The following VIT variants were observed in gnomAD, a reference collection of about 807,000 sequenced individuals.
VIT encodes vitrin.
In VIT, 99 loss-of-function variants were observed where a neutral mutation model predicts 78.0. The observed-to-expected ratio is 1.27, with a 90% CI of 1.08 to 1.50. The LOEUF is 1.50. Ranked by LOEUF, VIT falls within the 40% of genes most tolerant of loss-of-function variation. The pLI is 0.00. For missense variants in VIT, 1,126 were observed against 875.3 expected, an observed-to-expected ratio of 1.29 and a Z score of -3.61; for synonymous variants, 374 against 334.3, an observed-to-expected ratio of 1.12 and a Z score of -1.29.
chr2:36,721,486 C>T (rs1036990732), intron 2 of VIT, among the ~76,000 whole-genome samples: 2 of 152,086 alleles, frequency 1.3e-5, no homozygotes, highest in African/African-American at 2.4e-5. Flanking sequence ...CAAATCCTTA[C>T]GCCTTTACCT....
At chr2:36,722,150 A>G (rs1176232523) in intron 2 of VIT, among the ~76,000 whole-genome samples, 4 of 152,360 alleles carry the variant, frequency 2.6e-5, no homozygotes, top group Admixed American at 2.6e-4. Flanking sequence ...TTTAAGAGGT[A>G]GCATGCTTGC....
rs529848669 is a variant in VIT at position 36,775,058 on chromosome 2, G to A, written c.793G>A (p.Val265Ile). The change falls in exon 9 of 16, where the codon GTC becomes ATC. Residue 265 changes from valine (V) to isoleucine (I), a missense_variant. Coordinates refer to ENST00000379242, the MANE Select transcript of VIT (RefSeq NM_053276.4). ...CTTCCAGAAACCTGTTGGAGCGGAT[G>A]TCAGCCTGGGTAAGCTGCCCACTGC... is the stretch of plus-strand genomic sequence containing the variant. ...AAFQKPVGAD[V>I]SLGEMDSWKP... 4 of 1,613,946 alleles carry A rather than the reference G, an allele frequency of 2.5e-6. No individual in the cohort carries two copies. Among genetic ancestry groups the A allele is most frequent in the African/African-American group, 1.3e-5 (1 of 75,046 alleles).
At chr2:36,747,333 T>G (rs1265189139) in intron 4 of VIT, among the ~76,000 whole-genome samples, 1 of 152,152 alleles carries the variant, frequency 6.6e-6, no homozygotes, top group South Asian at 2.1e-4. Flanking sequence ...AAATGTTGAG[T>G]GTAAGTCCAG....
chr2:36,720,847 T>G (rs1411235580), intron 2 of VIT, among the ~76,000 whole-genome samples: 1 of 152,020 alleles, frequency 6.6e-6, no homozygotes, highest in Admixed American at 6.6e-5. Flanking sequence ...CCATCTCTAC[T>G]AAAAATATAA....
chr2:36,732,800 G>C (rs1307775082), intron 3 of VIT, among the ~76,000 whole-genome samples: 3 of 152,192 alleles, frequency 2.0e-5, no homozygotes, highest in African/African-American at 7.2e-5. Context: ...TACTCAGAGA[G>C]TTAGGAAAAG....
chr2:36,784,682 C>G (rs1258996554), intron 11 of VIT, among the ~76,000 whole-genome samples: 21 of 152,214 alleles, frequency 1.4e-4, no homozygotes, highest in Admixed American at 1.4e-3. Flanking sequence ...TAGAGTGATT[C>G]CCATAGATAC....
chr2:36,706,373 C>A (rs897443952), intron 1 of VIT, among the ~76,000 whole-genome samples: 39 of 152,300 alleles, frequency 2.6e-4, no homozygotes, highest in Admixed American at 1.8e-3. Context: ...CAGAAACCAA[C>A]TTAAACTGGC....
In VIT at chr2:36,776,533, G is replaced by A. The variant is rs191762351; in HGVS notation, c.802+1466G>A. 2.1e-3 allele frequency among the ~76,000 whole-genome samples: 319 copies of A among 152,272 alleles called. 1 individual carries two copies. The highest frequency in any genetic ancestry group is 3.3e-3 in the Non-Finnish European group (226 of 67,998). On this transcript the variant is annotated intron_variant, in intron 9 of 15. Transcript: ENST00000379242. ...ATTAATAGTTAGGCCGGGTGCGGTG[G>A]TTCACGCCGGTAATCCCAGCACTTT...
At chr2:36,732,942 C>A (rs150093987) in intron 3 of VIT, among the ~76,000 whole-genome samples, 214 of 152,128 alleles carry the variant, frequency 1.4e-3, no homozygotes, top group African/African-American at 4.9e-3. Context: ...TGCCCAAGGC[C>A]TGAAGGGTAG....
rs904020423 is a variant in VIT at position 36,801,485 on chromosome 2, A to G, written c.1162+81A>G. 3.2e-6 allele frequency: 4 copies of G among 1,236,732 alleles called. No homozygotes were observed. The African/African-American group carries it at 6.1e-5, about 19-fold the overall frequency. The allele number at this position is 1,236,732 out of a possible 1,614,324, so 76.6% of individuals were successfully genotyped here. ...TGATTGTCTTCTAACCATTCTATATAAAAGGAAAAAATAATAATAATCCGT... is the reference window on the plus strand; with the variant it reads ...TGATTGTCTTCTAACCATTCTATATGAAAGGAAAAAATAATAATAATCCGT... On this transcript the variant is annotated intron_variant, in intron 13 of 15. Transcript: ENST00000379242.
chr2:36,755,868 T>TTA (rs1668728140), intron 5 of VIT, among the ~76,000 whole-genome samples: 1 of 152,114 alleles, frequency 6.6e-6, no homozygotes, highest in Non-Finnish European at 1.5e-5. Context: ...TTATTTTTCT[T>TTA]TTTGGTGCTC....
chr2:36,739,831 C>T (rs1008918357), intron 3 of VIT, among the ~76,000 whole-genome samples: 2 of 152,156 alleles, frequency 1.3e-5, no homozygotes, highest in African/African-American at 2.4e-5. Context: ...GGTCTGGGCT[C>T]CCCACGGCTC....
chr2:36,798,641 C>A (rs1250221690), intron 12 of VIT, among the ~76,000 whole-genome samples: 1 of 152,104 alleles, frequency 6.6e-6, no homozygotes, highest in East Asian at 1.9e-4. Flanking sequence ...TGCCTGTAAT[C>A]CCAGCTACTC....
intron 8 of VIT, among the ~76,000 whole-genome samples, chr2:36,774,253 G>C (rs1391578886): frequency 7.2e-6 from 1 of 139,616 alleles, no homozygotes; most frequent in East Asian, 2.0e-4. Flanking sequence ...CTATGCCACG[G>C]GGGACAGAAA....
chr2:36,736,228 A>G (rs1328929450), intron 3 of VIT, among the ~76,000 whole-genome samples: 1 of 152,172 alleles, frequency 6.6e-6, no homozygotes, highest in Non-Finnish European at 1.5e-5. Flanking sequence ...TAAGGCTACA[A>G]ATAAAGATTG....
intron 3 of VIT, 99 bp from the exon 4 acceptor site, chr2:36,743,001 G>A: frequency 6.7e-7 from 1 of 1,500,060 alleles, no homozygotes; most frequent in Non-Finnish European, 9.1e-7. Context: ...CCAGGCTCTG[G>A]CTTTTAGAGA....
At position 36,814,633 on chromosome 2, in the gene VIT, G is replaced by A. The variant is rs185853814; in HGVS notation, c.*272G>A. The A allele has an allele frequency of 7.1e-6, 3 of 419,668 alleles. No individual in the cohort carries two copies. Among genetic ancestry groups the A allele is most frequent in the African/African-American group, 2.0e-5 (1 of 50,508 alleles). The allele number at this position is 419,668 out of a possible 1,614,324, so 26.0% of individuals were successfully genotyped here. A position where few individuals can be genotyped will look rare whatever the true frequency, so the allele number is the denominator to read the frequency against. On this transcript the variant is annotated 3_prime_UTR_variant, in exon 16 of 16. Transcript: ENST00000379242. ...TTTGACAATTGTTTTCAAAATAAAT[G>A]TTCGGAATACAGTGCAGCCCTTACG... is the stretch of plus-strand genomic sequence containing the variant.
At chr2:36,730,117 G>A (rs922848372) in intron 3 of VIT, among the ~76,000 whole-genome samples, 2 of 151,894 alleles carry the variant, frequency 1.3e-5, no homozygotes, top group Non-Finnish European at 2.9e-5. Context: ...CCAACGTGGT[G>A]TCTTTATTAA....
At chr2:36,786,434 A>G (rs1045350459) in intron 11 of VIT, among the ~76,000 whole-genome samples, 4 of 152,138 alleles carry the variant, frequency 2.6e-5, no homozygotes, top group Non-Finnish European at 5.9e-5. Flanking sequence ...CTTGCAGCCC[A>G]TCCATCCCTT....
Sources: gnomAD v4.1 joint callset for allele counts (sites outside exome capture counted in the v4.1 genomes callset) on GRCh38, gnomAD v4.1.1 for gene constraint, MANE v1.5 for transcripts, NCBI Gene and HGNC (gene_info 2026-07-23, HGNC 2026-07-21) for gene names.